Variants in ADCY2 observed in about 807,000 individuals in gnomAD.
ADCY2 encodes the protein adenylate cyclase 2, also known as adenylate cyclase type 2.
In ADCY2, 31 loss-of-function variants were observed where a neutral mutation model predicts 125.2. That is an observed-to-expected ratio of 0.25 (90% CI 0.19 to 0.33). The LOEUF (loss-of-function observed/expected upper bound fraction) is 0.33. ADCY2 is among the 10% of genes least tolerant of loss of function. The pLI is 1.00. For missense variants in ADCY2, 904 were observed against 1,418.2 expected, an observed-to-expected ratio of 0.64 and a Z score of 5.82; for synonymous variants, 512 against 548.4, an observed-to-expected ratio of 0.93 and a Z score of 0.93.
At chr5:7,657,409 T>G (rs1411603123) in intron 4 of ADCY2, among the ~76,000 whole-genome samples, 2 of 151,740 alleles carry the variant, frequency 1.3e-5, no homozygotes, top group Non-Finnish European at 2.9e-5. Context: ...GGCAAAGTCT[T>G]CTACAAACAT....
At chr5:7,720,748 A>G (rs897078653) in intron 12 of ADCY2, among the ~76,000 whole-genome samples, 4 of 152,208 alleles carry the variant, frequency 2.6e-5, no homozygotes, top group Non-Finnish European at 5.9e-5. Context: ...ATGGCTGCAT[A>G]GTATTCCATG....
chr5:7,766,562 C>T (rs561726770), intron 16 of ADCY2, 125 bp from the exon 17 acceptor site: 67 of 900,950 alleles, frequency 7.4e-5, no homozygotes, highest in East Asian at 1.1e-4. Context: ...TAGAAATTCC[C>T]GAGTCCACAT....
chr5:7,642,655 A>T (rs1048085070), intron 4 of ADCY2, among the ~76,000 whole-genome samples: 1 of 152,094 alleles, frequency 6.6e-6, no homozygotes, highest in African/African-American at 2.4e-5. Context: ...TCACCAATGC[A>T]TATAGTCACC....
At chr5:7,673,283 T>TATATATATATATATAA (rs1740003732) in intron 4 of ADCY2, among the ~76,000 whole-genome samples, 1 of 85,188 alleles carries the variant, frequency 1.2e-5, no homozygotes, top group African/African-American at 4.6e-5. Context: ...TATATATATA[T>TATATATATATATATAA]ATAAAATTAG....
At chr5:7,485,729 TA>T (rs1008760674) in intron 2 of ADCY2, among the ~76,000 whole-genome samples, 32 of 152,284 alleles carry the variant, frequency 2.1e-4, no homozygotes, top group African/African-American at 6.0e-4. Context: ...CACTACATTT[TA>T]AAAAACTATG....
At position 7,709,500 on chromosome 5, in the gene ADCY2, T is replaced by A. The variant is rs746428392; in HGVS notation, c.1578+113T>A. The stretch of plus-strand genomic sequence containing the variant: ...CTCCTTTCTGTAAGAAACAAACTTA[T>A]CACCTTCTTCTTCTCAGAGAGGCCC... On this transcript the variant is annotated intron_variant, in intron 10 of 24. Transcript: ENST00000338316. This position sits in a 1 kb window ranked among gnomAD's most constrained non-coding sequence, Gnocchi z 4.4. 1.6e-6 allele frequency: 2 copies of A among 1,243,524 alleles called. No homozygotes were observed. Among genetic ancestry groups the A allele is most frequent in the Non-Finnish European group, 2.2e-6 (2 of 923,568 alleles). The allele number at this position is 1,243,524 out of a possible 1,614,324, so 77.0% of individuals were successfully genotyped here.
At chr5:7,756,260 G>A (rs190418331) in intron 15 of ADCY2, among the ~76,000 whole-genome samples, 7 of 152,336 alleles carry the variant, frequency 4.6e-5, no homozygotes, top group Admixed American at 3.3e-4. Context: ...GAGAATCCTT[G>A]GAAAGGTGGC....
chr5:7,780,248 A>C (rs1743874742), intron 18 of ADCY2, among the ~76,000 whole-genome samples: 2 of 152,216 alleles, frequency 1.3e-5, no homozygotes, highest in African/African-American at 4.8e-5. Flanking sequence ...TACGCAGGAC[A>C]ATGTTGTCTT....
At chr5:7,437,197 A>G (rs541390180) in intron 2 of ADCY2, among the ~76,000 whole-genome samples, 83 of 152,128 alleles carry the variant, frequency 5.5e-4, no homozygotes, top group Non-Finnish European at 1.0e-3. Context: ...CATGTAAGGG[A>G]TTGGCTTATG....
At chr5:7,697,271 A>C (rs145044427) in intron 6 of ADCY2, among the ~76,000 whole-genome samples, 1 of 152,156 alleles carries the variant, frequency 6.6e-6, no homozygotes, top group East Asian at 1.9e-4. Context: ...GAAGTACTCA[A>C]CGTGACTTCC....
intron 4 of ADCY2, among the ~76,000 whole-genome samples, chr5:7,669,142 A>T (rs1739850858): frequency 6.6e-6 from 1 of 152,236 alleles, no homozygotes. Flanking sequence ...TAGAGGGAAT[A>T]CACTGGTAGG....
chr5:7,661,110 G>A (rs1284689748), intron 4 of ADCY2, among the ~76,000 whole-genome samples: 2 of 152,066 alleles, frequency 1.3e-5, no homozygotes, highest in South Asian at 2.1e-4. Context: ...TTGGACAGGG[G>A]TATATATCTC....
intron 15 of ADCY2, among the ~76,000 whole-genome samples, chr5:7,751,100 G>C (rs772333221): frequency 5.9e-5 from 9 of 151,680 alleles, no homozygotes; most frequent in Admixed American, 2.0e-4. Context: ...TCCCATTCAC[G>C]GGCAGTTCAT....
intron 3 of ADCY2, among the ~76,000 whole-genome samples, chr5:7,533,538 G>T (rs189825206): frequency 3.6e-4 from 54 of 151,840 alleles, no homozygotes; most frequent in African/African-American, 2.4e-5. Context: ...AACATCTTAG[G>T]TTAGATGCTT....
intron 3 of ADCY2, among the ~76,000 whole-genome samples, chr5:7,533,499 A>G (rs1015872780): frequency 6.6e-6 from 1 of 151,544 alleles, no homozygotes; most frequent in Admixed American, 6.6e-5. Context: ...TAATGTTTTC[A>G]TTTTGGTTCT....
intron 3 of ADCY2, among the ~76,000 whole-genome samples, chr5:7,601,913 A>G (rs1401816880): frequency 1.3e-5 from 2 of 152,176 alleles, no homozygotes; most frequent in Non-Finnish European, 2.9e-5. Flanking sequence ...AAAACCCAGA[A>G]GTCCAAAATC....
At position 7,616,077 on chromosome 5, in the gene ADCY2, TAAAC is replaced by T. The variant is rs1234308230; in HGVS notation, c.571-10086_571-10083del. ...AAGTTGCTATGACCTCACTAAGTAA[TAAAC>T]AAAACTCCTGGGAATTTCGTTTAGT... is the stretch of plus-strand genomic sequence containing the variant. On this transcript the variant is annotated intron_variant, in intron 3 of 24. Coordinates refer to ENST00000338316, the MANE Select transcript of ADCY2 (RefSeq NM_020546.3). Among the ~76,000 whole-genome samples, 3 of 152,306 alleles carry T rather than the reference TAAAC, an allele frequency of 2.0e-5. No homozygotes were observed. The East Asian group carries it at 5.8e-4, about 29-fold the overall frequency.
chr5:7,529,623 T>C (rs971198148), intron 3 of ADCY2, among the ~76,000 whole-genome samples: 46 of 152,132 alleles, frequency 3.0e-4, no homozygotes, highest in Non-Finnish European at 5.7e-4. Flanking sequence ...GGCCTCTGCT[T>C]CTCCTACTTC....
intron 16 of ADCY2, among the ~76,000 whole-genome samples, chr5:7,760,418 G>C (rs756078008): frequency 5.3e-4 from 80 of 152,170 alleles, no homozygotes; most frequent in Non-Finnish European, 3.5e-4. Flanking sequence ...ACAAGCTAAG[G>C]TTCCAATTTA....
Sources: allele counts gnomAD v4.1 joint callset (sites outside exome capture counted in the v4.1 genomes callset), GRCh38; gene constraint gnomAD v4.1.1; non-coding constraint Gnocchi (gnomAD v3.1); transcripts MANE v1.5; gene names NCBI Gene and HGNC (gene_info 2026-07-23, HGNC 2026-07-21).